ANK2: variants seen among roughly 807,000 people sequenced by gnomAD.
The protein encoded by ANK2 is ankyrin 2.
Under a neutral mutation model 360.5 loss-of-function variants are expected in ANK2, and 83 were observed. That is an observed-to-expected ratio of 0.23 (90% CI 0.19 to 0.28). The LOEUF (loss-of-function observed/expected upper bound fraction) is 0.28, where lower values mean the gene tolerates loss of function less well. ANK2 is among the 10% of genes least tolerant of loss of function. The pLI is 1.00. For synonymous variants in ANK2, 1,740 were observed against 1,759.5 expected, an observed-to-expected ratio of 0.99 and a Z score of 0.28; for missense variants, 4,201 against 4,795.7, an observed-to-expected ratio of 0.88 and a Z score of 3.66.
chr4:112,777,029 C>G, the ANK2 span, among the ~76,000 whole-genome samples: 2 of 152,098 alleles, frequency 1.3e-5, no homozygotes, highest in African/African-American at 4.8e-5. Context: ...TTTAATTTTT[C>G]AAACTCTGAG....
Position 113,353,431 on chromosome 4 carries a change from CA to C in ANK2, c.4818del (p.Ala1607HisfsTer3). 1 of 1,613,778 alleles carries C rather than the reference CA, an allele frequency of 6.2e-7. No individual in the cohort carries two copies. The highest frequency in any genetic ancestry group is 8.5e-7 in the Non-Finnish European group (1 of 1,179,910). Reference protein sequence around the residue: ...VSDEEIEEARQKAPLEITEYP... With the variant: ...VSDEEIEEARXKAPLEITEYP... Reference sequence around the variant, plus strand: ...TGATGAGGAAATAGAAGAGGCTAGGCAAAAAGCACCTTTAGAAATCACTGAA... The same window carrying C: ...TGATGAGGAAATAGAAGAGGCTAGGCAAAAGCACCTTTAGAAATCACTGAA... On this transcript the variant is annotated frameshift_variant, in exon 38 of 46. Transcript: ENST00000357077. LOFTEE classifies it high-confidence loss of function.
intron 5 of ANK2, among the ~76,000 whole-genome samples, chr4:113,233,424 C>T (rs1156448922): frequency 6.6e-6 from 1 of 151,902 alleles, no homozygotes; most frequent in Non-Finnish European, 1.5e-5. Flanking sequence ...CGTGAGCCAC[C>T]GCGCCCGGCC....
chr4:112,820,727 G>C (rs1375510153), intron 1 of ANK2, among the ~76,000 whole-genome samples: 1 of 151,694 alleles, frequency 6.6e-6, no homozygotes, highest in Non-Finnish European at 1.5e-5. Context: ...GAGCCACTGT[G>C]CCTAGCTTTG....
At chr4:113,309,064 A>G (rs1229004718) in intron 23 of ANK2, among the ~76,000 whole-genome samples, 1 of 152,144 alleles carries the variant, frequency 6.6e-6, no homozygotes, top group Non-Finnish European at 1.5e-5. Context: ...TTTCAAAGTG[A>G]TTTTTCACAT....
the ANK2 span, among the ~76,000 whole-genome samples, chr4:112,726,631 C>G: frequency 6.6e-6 from 1 of 152,086 alleles, no homozygotes; most frequent in East Asian, 1.9e-4. Flanking sequence ...GCGGGCAGAT[C>G]ACAAGGTCAG....
intron 1 of ANK2, among the ~76,000 whole-genome samples, chr4:113,091,951 G>A (rs1031161691): frequency 1.3e-5 from 2 of 152,028 alleles, no homozygotes; most frequent in Non-Finnish European, 2.9e-5. Context: ...TTTGGGCTTT[G>A]GGGACATTCT....
chr4:113,174,380 C>T (rs1410887889), intron 1 of ANK2, 36 bp from the exon 2 acceptor site: 1 of 1,507,870 alleles, frequency 6.6e-7, no homozygotes, highest in Non-Finnish European at 9.2e-7. Context: ...TCTATTTCAT[C>T]AATAGTTCAT....
the ANK2 span, among the ~76,000 whole-genome samples, chr4:112,749,179 C>G: frequency 6.6e-6 from 1 of 152,202 alleles, no homozygotes; most frequent in Non-Finnish European, 1.5e-5. Flanking sequence ...GGATTACAGG[C>G]GTGAGCCACC....
chr4:112,806,096 T>C, the ANK2 span, among the ~76,000 whole-genome samples: 2 of 152,146 alleles, frequency 1.3e-5, no homozygotes, highest in Non-Finnish European at 2.9e-5. Context: ...TATTTAAAAA[T>C]ATACCATAAA....
At chr4:113,323,839 T>C in intron 26 of ANK2, 1 of 1,572,138 alleles carries the variant, frequency 6.4e-7, no homozygotes, top group Non-Finnish European at 8.7e-7. Context: ...TGCCTATTCC[T>C]CTCCCCCTTT....
intron 1 of ANK2, among the ~76,000 whole-genome samples, chr4:113,161,132 G>A (rs755252132): frequency 3.3e-5 from 5 of 152,170 alleles, no homozygotes; most frequent in African/African-American, 4.8e-5. Flanking sequence ...TTTTAGTTGT[G>A]TTTAAATCAG....
chr4:113,291,348 A>G (rs996416328), intron 20 of ANK2, among the ~76,000 whole-genome samples: 1 of 152,206 alleles, frequency 6.6e-6, no homozygotes, highest in Non-Finnish European at 1.5e-5. Context: ...GGCTTCTTGG[A>G]GTCCCTGTAA....
At chr4:112,778,424 G>A in the ANK2 span, among the ~76,000 whole-genome samples, 2 of 151,848 alleles carry the variant, frequency 1.3e-5, no homozygotes, top group South Asian at 2.1e-4. Flanking sequence ...CCCCTGCCTC[G>A]GCCTCCCAAA....
At chr4:112,858,196 G>GT (rs556546161) in intron 1 of ANK2, among the ~76,000 whole-genome samples, 45 of 150,776 alleles carry the variant, frequency 3.0e-4, no homozygotes, top group African/African-American at 4.4e-4. Context: ...TAAAGAGGAA[G>GT]TTTTTTTTTG....
chr4:113,232,087 G>A, intron 4 of ANK2, 74 bp from the exon 5 acceptor site: 1 of 1,032,824 alleles, frequency 9.7e-7, no homozygotes, highest in Non-Finnish European at 1.5e-6. Flanking sequence ...TCTTCCCTAT[G>A]TCGAAGGTTT....
rs763130672 is a variant in ANK2, at chr4:113,232,260, G to A, written c.483+1G>A. ...AGCTAATCAGAGCACTGCTACAGAG[G>A]TAAGACTGTCAGCCCTAAAGCCTTG... On this transcript the variant is annotated splice_donor_variant, in intron 5 of 45. Coordinates refer to ENST00000357077, the MANE Select transcript of ANK2 (RefSeq NM_001148.6). LOFTEE classifies it high-confidence loss of function. 6.4e-7 allele frequency: 1 copy of A among 1,564,304 alleles called. No individual in the cohort carries two copies. Among genetic ancestry groups the A allele is most frequent in the Admixed American group, 1.7e-5 (1 of 59,942 alleles).
At position 113,263,731 on chromosome 4, in the gene ANK2, A is replaced by G. The variant is rs1022921727; in HGVS notation, c.1387-1166A>G. On this transcript the variant is annotated intron_variant, in intron 13 of 45. Coordinates refer to ENST00000357077, the MANE Select transcript of ANK2 (RefSeq NM_001148.6). Reference sequence around the variant, plus strand: ...GAATGGTTTACTTTACTTGGTTGAAATCATCCTTATCTTCTAGAACAGTTG... The same window carrying G: ...GAATGGTTTACTTTACTTGGTTGAAGTCATCCTTATCTTCTAGAACAGTTG... Among the ~76,000 whole-genome samples the G allele has an allele frequency of 3.3e-5, 5 of 152,244 alleles. No individual in the cohort carries two copies. The South Asian group carries it at 8.3e-4, about 25-fold the overall frequency.
chr4:113,332,610 A>G (rs909706064), intron 28 of ANK2, among the ~76,000 whole-genome samples: 1 of 152,264 alleles, frequency 6.6e-6, no homozygotes, highest in Non-Finnish European at 1.5e-5. Context: ...GTTCACAAGT[A>G]GTCAACTTTC....
chr4:113,099,614 T>G (rs1283506489), intron 1 of ANK2, among the ~76,000 whole-genome samples: 1 of 151,950 alleles, frequency 6.6e-6, no homozygotes, highest in East Asian at 1.9e-4. Context: ...AGTTGTCTTG[T>G]GGATACTGAC....
Sources: gnomAD v4.1 joint callset for allele counts (sites outside exome capture counted in the v4.1 genomes callset) on GRCh38, gnomAD v4.1.1 for gene constraint, MANE v1.5 for transcripts, NCBI Gene and HGNC (gene_info 2026-07-23, HGNC 2026-07-21) for gene names.